The following PRAMEF4 variants were observed in gnomAD, a reference collection of about 807,000 sequenced individuals.
PRAMEF4 encodes PRAME family member 4.
Under a neutral mutation model 34.4 loss-of-function variants are expected in PRAMEF4, and 18 were observed. That is an observed-to-expected ratio of 0.52 (90% CI 0.36 to 0.78). The LOEUF is 0.78. PRAMEF4 is among the 30% of genes least tolerant of loss of function. The probability of loss-of-function intolerance (pLI) is 0.00; values close to 1 mark genes in which losing one functional copy is unlikely to be tolerated. For synonymous variants in PRAMEF4, 156 were observed against 219.3 expected (o/e 0.71, Z 2.55); for missense variants, 482 against 569.1 (o/e 0.85, Z 1.56).
At chr1:12,883,440 A>G (rs776998612) in intron 1 of PRAMEF4, 30 bp from the exon 2 acceptor site, 1 of 1,600,576 alleles carries the variant, frequency 6.2e-7, no homozygotes, top group East Asian at 2.3e-5. Context: ...GAGAAAAGGC[A>G]TCTCTCTCGG....
chr1:12,879,335 G>A lies in PRAMEF4; in HGVS notation c.*209C>T. On this transcript the variant is annotated 3_prime_UTR_variant, in exon 4 of 4. Coordinates refer to ENST00000235349, the MANE Select transcript of PRAMEF4 (RefSeq NM_001009611.4). ...TCAGATTCCCATTTTCGACTCTACA[G>A]GACACAGGTCCCCAAAGTCCCATCG... 1.3e-6 allele frequency: 1 copy of A among 791,872 alleles called. No homozygotes were observed. The highest frequency in any genetic ancestry group is 3.2e-5 in the Admixed American group (1 of 31,148). 49.1% of individuals were successfully genotyped at this position (791,872 alleles called of 1,614,324 possible).
chr1:12,883,029 A>C, intron 2 of PRAMEF4, 73 bp downstream of exon 2: 1 of 1,575,262 alleles, frequency 6.3e-7, no homozygotes, highest in Non-Finnish European at 8.6e-7. Context: ...GGGCCTCCTC[A>C]CTTCTCACGA....
At position 12,884,909 on chromosome 1, in the gene PRAMEF4, T is replaced by A. The variant is rs1230082147; in HGVS notation, c.-17+1238A>T. On this transcript the variant is annotated intron_variant, in intron 1 of 3. Transcript: ENST00000235349. ...AAACATGGAGTTTTACTAATATGTG[T>A]CCTTCAAAGTCCTGAGTGTGAGACA... Among the ~76,000 whole-genome samples the A allele has an allele frequency of 2.7e-5, 4 of 150,266 alleles. No individual in the cohort carries two copies. The East Asian group carries it at 7.7e-4, about 29-fold the overall frequency.
rs1269474440 is a variant in PRAMEF4, at chr1:12,886,134, A to G, written c.-17+13T>C. ...GTCAGATGGGAGTGTCCTTACAGAA[A>G]TTAGTGACTTACCAGATCTGGATGT... On this transcript the variant is annotated intron_variant, in intron 1 of 3. Coordinates refer to ENST00000235349, the MANE Select transcript of PRAMEF4 (RefSeq NM_001009611.4). 3 of 140,388 alleles carry G rather than the reference A, an allele frequency of 2.1e-5. No homozygotes were observed. Among genetic ancestry groups the G allele is most frequent in the South Asian group, 4.7e-4 (2 of 4,242 alleles). The allele number at this position is 140,388 out of a possible 1,614,324, so 8.7% of individuals were successfully genotyped here.
At chr1:12,880,680 C>T (rs1245226318) in intron 3 of PRAMEF4, among the ~76,000 whole-genome samples, 1,834 of 148,380 alleles carry the variant, frequency 0.012, 43 homozygotes, top group African/African-American at 0.043. Context: ...TCCCTTTCCT[C>T]ATCTGTCAGG....
In PRAMEF4 at chr1:12,879,927, C is replaced by G; in HGVS notation, c.1054G>C (p.Ala352Pro). The change falls in exon 4 of 4, where the codon GCC becomes CCC. Residue 352 changes from alanine to proline, a missense_variant. Coordinates refer to ENST00000235349, the MANE Select transcript of PRAMEF4 (RefSeq NM_001009611.4). ...PLQILLEKVAATLEYLDLDDC... is the reference protein window; with the variant it reads ...PLQILLEKVAPTLEYLDLDDC... ...TCTAAATCCAGGTACTCAAGGGTGGCTGCAACTTTTTCTAGGAGAATTTGG... is the reference window on the plus strand; with the variant it reads ...TCTAAATCCAGGTACTCAAGGGTGGGTGCAACTTTTTCTAGGAGAATTTGG... 6.2e-7 allele frequency: 1 copy of G among 1,605,984 alleles called. No individual in the cohort carries two copies. The highest frequency in any genetic ancestry group is 8.5e-7 in the Non-Finnish European group (1 of 1,177,260).
At position 12,879,455 on chromosome 1, in the gene PRAMEF4, C is replaced by T. The variant is rs1429882941; in HGVS notation, c.*89G>A. On this transcript the variant is annotated 3_prime_UTR_variant, in exon 4 of 4. Transcript: ENST00000235349. ...TATGTGTGAAATGATGGGTTCTGTG[C>T]TCCCTTTAGGATGTACCTAAGACCT... is the stretch of plus-strand genomic sequence containing the variant. 37 of 819,176 alleles carry T rather than the reference C, an allele frequency of 4.5e-5. 2 individuals carry two copies. The highest frequency in any genetic ancestry group is 6.5e-5 in the Non-Finnish European group (35 of 534,838). 50.7% of individuals were successfully genotyped at this position (819,176 alleles called of 1,614,324 possible). A position where few individuals can be genotyped will look rare whatever the true frequency, so the allele number is the denominator to read the frequency against.
At chr1:12,884,959 T>C (rs1351705412) in intron 1 of PRAMEF4, among the ~76,000 whole-genome samples, 1 of 150,048 alleles carries the variant, frequency 6.7e-6, no homozygotes, top group Non-Finnish European at 1.5e-5. Flanking sequence ...CTCTTCCTGA[T>C]ATTAGACAGA....
Position 12,883,355 on chromosome 1 carries a change from G to T in PRAMEF4, c.40C>A (p.Leu14Ile), listed in dbSNP as rs1640932322. 1.9e-6 allele frequency: 3 copies of T among 1,600,842 alleles called. 1 individual carries two copies. The highest frequency in any genetic ancestry group is 2.6e-6 in the Non-Finnish European group (3 of 1,173,696). ...TCCCTTAGCAGGCTCCGCCCTGCAAGCTCCAGGAGTCTGGGTGGAGTCCAG... is the reference window on the plus strand; with the variant it reads ...TCCCTTAGCAGGCTCCGCCCTGCAATCTCCAGGAGTCTGGGTGGAGTCCAG... The part of the protein sequence containing the change: ...SIWTPPRLLE[L>I]AGRSLLRDQA... Residue 14 changes from leucine (L) to isoleucine (I), a missense_variant, in exon 2 of 4, where the codon CTT (leucine) becomes ATT (isoleucine). By Grantham distance (5) the Leu-to-Ile change is conservative. This residue lies in a region of PRAMEF4 where 172 missense variants were observed against 130.2 expected (regional missense o/e 1.32). Transcript: ENST00000235349.
At chr1:12,881,092 G>C (rs199816979) in intron 3 of PRAMEF4, among the ~76,000 whole-genome samples, 2 of 144,818 alleles carry the variant, frequency 1.4e-5, no homozygotes, top group African/African-American at 2.6e-5. Flanking sequence ...TTGGCTGGGC[G>C]TGGTAGCTCT....
rs182735589 is a variant in PRAMEF4 at position 12,886,161 on chromosome 1, G to A, written c.-31C>T. ...TAGTGACTTACCAGATCTGGATGTA[G>A]TCTAGAAGGTTCTCAGATCTCAGGA... On this transcript the variant is annotated 5_prime_UTR_variant, in exon 1 of 4. Transcript: ENST00000235349. The A allele has an allele frequency of 7.0e-6, 1 of 142,002 alleles. No individual in the cohort carries two copies. The highest frequency in any genetic ancestry group is 2.7e-5 in the African/African-American group (1 of 37,088). 8.8% of individuals were successfully genotyped at this position (142,002 alleles called of 1,614,324 possible).
At chr1:12,883,885 C>G (rs1640943036) in intron 1 of PRAMEF4, among the ~76,000 whole-genome samples, 3 of 143,468 alleles carry the variant, frequency 2.1e-5, no homozygotes, top group Admixed American at 1.5e-4. Context: ...CTTTCTCTCT[C>G]TTTCTTCTTT....
chr1:12,879,611 G>A lies in PRAMEF4; in HGVS notation c.1370C>T (p.Thr457Ile), dbSNP rs28715572. 23 of 1,594,298 alleles carry A rather than the reference G, an allele frequency of 1.4e-5. 2 individuals are homozygous for A. Among genetic ancestry groups the A allele is most frequent in the African/African-American group, 7.0e-5 (5 of 71,914 alleles). ...LRHPKRILFCTDYCPDCGNRS... is the reference protein window; with the variant it reads ...LRHPKRILFCIDYCPDCGNRS... ...GTTGCCACAGTCAGGGCAGTAGTCA[G>A]TACAGAACAAGATCCTCTTGGGGTG... Residue 457 changes from threonine (T) to isoleucine (I), a missense_variant, in exon 4 of 4, where the codon ACT (threonine) becomes ATT (isoleucine). By Grantham distance (89) the Thr-to-Ile change is moderately conservative (BLOSUM62 -1). Around this residue, in one of 6 missense-constraint regions of PRAMEF4, gnomAD observed 116 missense variants for 105.2 expected, o/e 1.10. Coordinates refer to ENST00000235349, the MANE Select transcript of PRAMEF4 (RefSeq NM_001009611.4).
chr1:12,884,731 A>T (rs1008789059), intron 1 of PRAMEF4, among the ~76,000 whole-genome samples: 2 of 148,900 alleles, frequency 1.3e-5, no homozygotes, highest in East Asian at 2.0e-4. Context: ...AGAGAGCTAC[A>T]TTTGACTAGA....
At position 12,883,023 on chromosome 1, in the gene PRAMEF4, C is replaced by A; in HGVS notation, c.293+79G>T. ...CTCACCACCACCATCCCCCTTGGGC[C>A]TCCTCACTTCTCACGACCCAGCTGT... On this transcript the variant is annotated intron_variant, in intron 2 of 3. Coordinates refer to ENST00000235349, the MANE Select transcript of PRAMEF4 (RefSeq NM_001009611.4). 2 of 1,569,394 alleles carry A rather than the reference C, an allele frequency of 1.3e-6. 1 individual carries two copies. The highest frequency in any genetic ancestry group is 1.7e-6 in the Non-Finnish European group (2 of 1,153,694).
At position 12,883,453 on chromosome 1, in the gene PRAMEF4, C is replaced by A. The variant is rs528383749; in HGVS notation, c.-16-43G>T. The A allele has an allele frequency of 7.5e-6, 12 of 1,597,770 alleles. 3 individuals are homozygous for A. In the Admixed American group the frequency reaches 1.6e-4, roughly 21 times the overall value. ...CAGAGAAAAGGCATCTCTCTCGGGC[C>A]AAGCCCATGCAATCTCATCCTCTCC... is the stretch of plus-strand genomic sequence containing the variant. On this transcript the variant is annotated intron_variant, in intron 1 of 3. Transcript: ENST00000235349.
At chr1:12,883,731 G>T (rs1303676067) in intron 1 of PRAMEF4, among the ~76,000 whole-genome samples, 1 of 146,946 alleles carries the variant, frequency 6.8e-6, no homozygotes, top group Admixed American at 7.0e-5. Flanking sequence ...ATTACTCAAG[G>T]TTCTAAAACA....
In PRAMEF4 at chr1:12,880,956, A is replaced by T. The variant is rs1332240157; in HGVS notation, c.876-851T>A. Reference sequence around the variant, plus strand: ...ACAACAGGGAATTAGAGATGGGATCATTCATGTTCACCAAACTGTGGGGCA... The same window carrying T: ...ACAACAGGGAATTAGAGATGGGATCTTTCATGTTCACCAAACTGTGGGGCA... On this transcript the variant is annotated intron_variant, in intron 3 of 3. Coordinates refer to ENST00000235349, the MANE Select transcript of PRAMEF4 (RefSeq NM_001009611.4). 1.4e-5 allele frequency among the ~76,000 whole-genome samples: 2 copies of T among 147,322 alleles called. 1 individual carries two copies. Among genetic ancestry groups the T allele is most frequent in the East Asian group, 3.9e-4 (2 of 5,090 alleles).
intron 1 of PRAMEF4, among the ~76,000 whole-genome samples, chr1:12,884,921 C>T (rs1175202322): frequency 2.0e-5 from 3 of 150,162 alleles, no homozygotes; most frequent in African/African-American, 7.4e-5. Context: ...CTTCAAAGTC[C>T]TGAGTGTGAG....
Sources: allele counts gnomAD v4.1 joint callset (sites outside exome capture counted in the v4.1 genomes callset), GRCh38; gene constraint gnomAD v4.1.1; regional missense constraint gnomAD v4.1.1; transcripts MANE v1.5; gene names NCBI Gene and HGNC (gene_info 2026-07-23, HGNC 2026-07-21).